The following NRBP2 variants were observed in gnomAD, a reference collection of about 807,000 sequenced individuals.
NRBP2 encodes nuclear receptor-binding protein 2.
A neutral mutation model predicts 74.4 loss-of-function variants in NRBP2; 47 were observed. The observed-to-expected ratio is 0.63, with a 90% CI of 0.50 to 0.81. NRBP2 has a LOEUF of 0.81. Ranked by LOEUF, NRBP2 falls within the 30% of genes least tolerant of loss-of-function variation. The probability of loss-of-function intolerance (pLI) is 0.00; values close to 1 mark genes in which losing one functional copy is unlikely to be tolerated. For synonymous variants in NRBP2, 312 were observed against 273.8 expected (o/e 1.14, Z -1.38); for missense variants, 613 against 690.1 (o/e 0.89, Z 1.25).
In NRBP2 at chr8:143,835,979, C is replaced by T. The variant is rs781888586; in HGVS notation, c.1369G>A (p.Asp457Asn). 9.5e-6 allele frequency: 15 copies of T among 1,585,786 alleles called. No homozygotes were observed. Among genetic ancestry groups the T allele is most frequent in the South Asian group, 4.5e-5 (4 of 89,016 alleles). The change falls in exon 16 of 18, where the codon GAC becomes AAC. Residue 457 changes from aspartate to asparagine, a missense_variant. Coordinates refer to ENST00000442628, the MANE Select transcript of NRBP2 (RefSeq NM_178564.4). This position sits in a 1 kb window ranked among gnomAD's most constrained non-coding sequence, Gnocchi z 4.9. ...CTGCCCAGCCTACTTGGGAGCAGGT[C>T]GTAGGTCAGCTGCCGGTGCAGCCGG... ...EDRLHRQLTY[D>N]LLPTDSAQDL...
Position 143,837,049 on chromosome 8 carries a change from TCA to T in NRBP2, c.1251_1252del (p.Glu418AspfsTer159). 1 of 1,610,288 alleles carries T rather than the reference TCA, an allele frequency of 6.2e-7. No homozygotes were observed. Among genetic ancestry groups the T allele is most frequent in the Non-Finnish European group, 8.5e-7 (1 of 1,178,858 alleles). On this transcript the variant is annotated frameshift_variant, in exon 14 of 18. Transcript: ENST00000442628. LOFTEE classifies it high-confidence loss of function. This position sits in a 1 kb window ranked among gnomAD's most constrained non-coding sequence, Gnocchi z 4.3. The stretch of plus-strand genomic sequence containing the variant: ...GGAGAGGGGACTCACCTTTCTGGTC[TCA>T]GAGTCAAAGGGCTCTGGCGTCGGGG...
At chr8:143,838,233 C>T (rs1554652477) in intron 10 of NRBP2, among the ~76,000 whole-genome samples, 1 of 152,188 alleles carries the variant, frequency 6.6e-6, no homozygotes, top group Non-Finnish European at 1.5e-5. Flanking sequence ...ATGCAGCTTC[C>T]ATCCCATACC....
Position 143,840,134 on chromosome 8 carries a change from T to C in NRBP2, c.225A>G (p.Gly75=), listed in dbSNP as rs1818630969. 4 of 1,536,104 alleles carry C rather than the reference T, an allele frequency of 2.6e-6. No homozygotes were observed. In the East Asian group the frequency reaches 9.8e-5, roughly 38 times the overall value. The change falls in exon 2 of 18, where the codon GGA becomes GGG. Residue 75 remains glycine, a synonymous_variant. Transcript: ENST00000442628. This position sits in a 1 kb window ranked among gnomAD's most constrained non-coding sequence, Gnocchi z 5.7. ...VEVVWNELHF[G]DRKAFAAHEE... is the part of the protein sequence containing the mutation. ...CGTGCGCCGCGAAGGCCTTCCTGTC[T>C]CCGAAGTGGAGCTCGTTCCACACCA...
downstream of NRBP2, chr8:143,829,884 G>A (rs2130487357): frequency 6.6e-6 from 1 of 152,382 alleles, no homozygotes; most frequent in Non-Finnish European, 1.5e-5. Flanking sequence ...TCAGTCGCTA[G>A]ACCCGCAGCC....
downstream of NRBP2, among the ~76,000 whole-genome samples, chr8:143,830,370 C>T (rs540638904): frequency 6.6e-6 from 1 of 152,260 alleles, no homozygotes; most frequent in Non-Finnish European, 1.5e-5. Flanking sequence ...TCCCTACCCA[C>T]CGGGGCTGGC....
At chr8:143,831,833 G>A (rs1818175074), downstream of NRBP2, among the ~76,000 whole-genome samples, 1 of 152,202 alleles carries the variant, frequency 6.6e-6, no homozygotes, top group South Asian at 2.1e-4. Context: ...AGAGATCATA[G>A]GTAAAGAGTC....
chr8:143,831,164 C>G (rs1554650183), downstream of NRBP2, among the ~76,000 whole-genome samples: 1 of 152,238 alleles, frequency 6.6e-6, no homozygotes, highest in Non-Finnish European at 1.5e-5. Context: ...CAGGACTGTT[C>G]TTACACACAT....
Position 143,840,607 on chromosome 8 carries a change from C to T in NRBP2, c.129+99G>A, listed in dbSNP as rs1818650473. Reference sequence around the variant, plus strand: ...CGAGGGGCCGCGGAGAGGTTTCCAGCCGCCGCGCTCTCCCAGCGCCCCCAC... The same window carrying T: ...CGAGGGGCCGCGGAGAGGTTTCCAGTCGCCGCGCTCTCCCAGCGCCCCCAC... On this transcript the variant is annotated intron_variant, in intron 1 of 17. Transcript: ENST00000442628. This position sits in a 1 kb window ranked among gnomAD's most constrained non-coding sequence, Gnocchi z 5.7. The T allele has an allele frequency of 2.5e-6, 3 of 1,193,414 alleles. No individual in the cohort carries two copies. Among genetic ancestry groups the T allele is most frequent in the African/African-American group, 1.6e-5 (1 of 62,106 alleles). The allele number at this position is 1,193,414 out of a possible 1,614,324, so 73.9% of individuals were successfully genotyped here.
Position 143,834,015 on chromosome 8 carries a change from T to G in NRBP2, c.*1647A>C, listed in dbSNP as rs1586646378. ...AAGTCTTGCTTTGGTTTTTGGCTTT[T>G]GGTTGGAGTGCTGTGGTCAGCAGAA... On this transcript the variant is annotated 3_prime_UTR_variant, in exon 18 of 18. Transcript: ENST00000442628. The G allele has an allele frequency of 6.6e-6, 1 of 152,390 alleles. No individual in the cohort carries two copies. Among genetic ancestry groups the G allele is most frequent in the East Asian group, 1.9e-4 (1 of 5,192 alleles). 9.4% of individuals were successfully genotyped at this position (152,390 alleles called of 1,614,324 possible). A position where few individuals can be genotyped will look rare whatever the true frequency, so the allele number is the denominator to read the frequency against.
At chr8:143,833,574 A>T (rs1309725845), downstream of NRBP2, 16 of 152,336 alleles carry the variant, frequency 1.1e-4, no homozygotes, top group African/African-American at 3.6e-4. Context: ...AACAGTTAAG[A>T]GAGTTGAATT....
downstream of NRBP2, chr8:143,833,323 G>C (rs2130508120): frequency 6.6e-6 from 1 of 152,288 alleles, no homozygotes; most frequent in East Asian, 1.9e-4. Context: ...AAAAAGTTGT[G>C]CAAGAAATGC....
rs1448471562 is a variant in NRBP2 at position 143,834,250 on chromosome 8, C to T, written c.*1412G>A. 1.3e-5 allele frequency: 2 copies of T among 152,184 alleles called. No individual in the cohort carries two copies. Among genetic ancestry groups the T allele is most frequent in the South Asian group, 4.1e-4 (2 of 4,824 alleles). The allele number at this position is 152,184 out of a possible 1,614,324, so 9.4% of individuals were successfully genotyped here. ...TCTGCAGGGAACCAGAGAAATGGTT[C>T]GTGACACAGACTGAACCTGCTAGCT... On this transcript the variant is annotated 3_prime_UTR_variant, in exon 18 of 18. Coordinates refer to ENST00000442628, the MANE Select transcript of NRBP2 (RefSeq NM_178564.4).
chr8:143,836,828 G>A (rs1238139229), intron 14 of NRBP2, among the ~76,000 whole-genome samples: 9 of 152,048 alleles, frequency 5.9e-5, no homozygotes, highest in Non-Finnish European at 1.2e-4. Flanking sequence ...AAGGATCTGA[G>A]GGGACAGGGA....
Position 143,838,885 on chromosome 8 carries a change from C to G in NRBP2, c.742G>C (p.Glu248Gln). 1 of 1,613,138 alleles carries G rather than the reference C, an allele frequency of 6.2e-7. No individual in the cohort carries two copies. The highest frequency in any genetic ancestry group is 8.5e-7 in the Non-Finnish European group (1 of 1,179,698). The change falls in exon 9 of 18, where the codon GAG becomes CAG. Residue 248 changes from glutamate to glutamine, a missense_variant and splice_region_variant. Glu to Gln is a conservative substitution (Grantham distance 29, BLOSUM62 2). Transcript: ENST00000442628. ...DIFSFGMCAL[E>Q]MAVLEIQTNG... ...AAGGTGGAGGGCGGGGGCAGTACCT[C>G]CAGCGCACACATCCCAAAGGAGAAG...
intron 10 of NRBP2, chr8:143,838,149 C>T: frequency 2.3e-6 from 1 of 425,924 alleles, no homozygotes; most frequent in Non-Finnish European, 4.4e-6. Context: ...CAGCTCGCCA[C>T]CAGCCCCGAC....
rs1818545740 is a variant in NRBP2, at chr8:143,838,789, C to G, written c.745-14G>C. ...CAGTACAGCCATCTGGGGCACAGAGCCAGGTCAGGCATGGGGAAGGGACCA... is the reference window on the plus strand; with the variant it reads ...CAGTACAGCCATCTGGGGCACAGAGGCAGGTCAGGCATGGGGAAGGGACCA... On this transcript the variant is annotated splice_polypyrimidine_tract_variant and intron_variant, in intron 9 of 17. Coordinates refer to ENST00000442628, the MANE Select transcript of NRBP2 (RefSeq NM_178564.4). The G allele has an allele frequency of 3.7e-6, 6 of 1,611,644 alleles. No homozygotes were observed. The East Asian group carries it at 1.3e-4, about 36-fold the overall frequency.
chr8:143,831,018 C>T (rs1352887851), downstream of NRBP2, among the ~76,000 whole-genome samples: 2 of 152,168 alleles, frequency 1.3e-5, no homozygotes, highest in Non-Finnish European at 2.9e-5. Flanking sequence ...TAGCCTGGCA[C>T]ACAAGGCCTC....
Position 143,834,651 on chromosome 8 carries a change from T to C in NRBP2, c.*1011A>G, listed in dbSNP as rs557526345. 1.3e-5 allele frequency: 2 copies of C among 152,368 alleles called. No homozygotes were observed. Among genetic ancestry groups the C allele is most frequent in the East Asian group, 3.9e-4 (2 of 5,194 alleles). The allele number at this position is 152,368 out of a possible 1,614,324, so 9.4% of individuals were successfully genotyped here. A position where few individuals can be genotyped will look rare whatever the true frequency, so the allele number is the denominator to read the frequency against. On this transcript the variant is annotated 3_prime_UTR_variant, in exon 18 of 18. Coordinates refer to ENST00000442628, the MANE Select transcript of NRBP2 (RefSeq NM_178564.4). ...TTAGAAAGGCATGAATGCGCTAATGTATACATACAGTTTAAAATGCTTAAG... is the reference window on the plus strand; with the variant it reads ...TTAGAAAGGCATGAATGCGCTAATGCATACATACAGTTTAAAATGCTTAAG...
downstream of NRBP2, among the ~76,000 whole-genome samples, chr8:143,832,861 C>T (rs1818211747): frequency 6.6e-6 from 1 of 152,224 alleles, no homozygotes; most frequent in African/African-American, 2.4e-5. Context: ...TTATTTCTTT[C>T]TCTATACTTT....
Sources: gnomAD v4.1 joint callset for allele counts (sites outside exome capture counted in the v4.1 genomes callset) on GRCh38, gnomAD v4.1.1 for gene constraint, Gnocchi (gnomAD v3.1) non-coding constraint, MANE v1.5 for transcripts, NCBI Gene and HGNC (gene_info 2026-07-23, HGNC 2026-07-21) for gene names.